The following PRDM5 variants were observed in gnomAD, a reference collection of about 807,000 sequenced individuals.
PRDM5 encodes the protein PR domain zinc finger protein 5.
In PRDM5, 56 loss-of-function variants were observed where a neutral mutation model predicts 81.2. The observed-to-expected ratio is 0.69, with a 90% CI of 0.56 to 0.86. The LOEUF (loss-of-function observed/expected upper bound fraction) is 0.86, where lower values mean the gene tolerates loss of function less well. Among genes scored for constraint, PRDM5 ranks in the 40% least tolerant of loss-of-function variants. PRDM5 has a pLI of 0.00. For synonymous variants in PRDM5, 267 were observed against 256.4 expected (o/e 1.04, Z -0.39); for missense variants, 697 against 770.1 (o/e 0.91, Z 1.12).
intron 12 of PRDM5, 54 bp downstream of exon 12, chr4:120,781,089 C>T (rs1288882846): frequency 1.4e-6 from 2 of 1,459,390 alleles, no homozygotes; most frequent in East Asian, 4.5e-5. Flanking sequence ...AACATATATA[C>T]CCATACTGCT....
intron 1 of PRDM5, among the ~76,000 whole-genome samples, chr4:120,921,180 T>C (rs1724863360): frequency 1.3e-5 from 2 of 152,208 alleles, no homozygotes; most frequent in African/African-American, 2.4e-5. Context: ...TGTTTGAGAA[T>C]TTTTCACATC....
intron 3 of PRDM5, among the ~76,000 whole-genome samples, chr4:120,850,262 G>C (rs1248656455): frequency 6.6e-6 from 1 of 152,016 alleles, no homozygotes; most frequent in East Asian, 1.9e-4. Context: ...CCAAACTTCA[G>C]ATGCAATTTG....
intron 14 of PRDM5, among the ~76,000 whole-genome samples, chr4:120,749,340 G>A (rs1420625428): frequency 6.6e-6 from 1 of 152,158 alleles, no homozygotes; most frequent in African/African-American, 2.4e-5. Flanking sequence ...TTAGAAACCT[G>A]GGGGCCCTGG....
chr4:120,889,915 T>C (rs945966539), intron 2 of PRDM5, among the ~76,000 whole-genome samples: 4 of 152,204 alleles, frequency 2.6e-5, no homozygotes, highest in Non-Finnish European at 4.4e-5. Flanking sequence ...TAGTATTCCA[T>C]AGTGTACATT....
chr4:120,726,387 C>T (rs940939301), intron 14 of PRDM5, among the ~76,000 whole-genome samples: 7 of 152,126 alleles, frequency 4.6e-5, no homozygotes, highest in African/African-American at 1.7e-4. Context: ...CCTTTGCATG[C>T]TTAGATGATT....
chr4:120,839,253 C>T (rs914648197), intron 3 of PRDM5: 36 of 702,986 alleles, frequency 5.1e-5, no homozygotes, highest in Admixed American at 2.2e-4. Flanking sequence ...CCTCGCCATT[C>T]GGCGGGTCCC....
chr4:120,812,131 G>C (rs950586568), intron 7 of PRDM5, among the ~76,000 whole-genome samples: 8 of 152,008 alleles, frequency 5.3e-5, no homozygotes, highest in Non-Finnish European at 1.0e-4. Context: ...TGTGAAATTT[G>C]TGCAGCTGTG....
chr4:120,920,105 G>A (rs538019225), intron 1 of PRDM5, among the ~76,000 whole-genome samples: 6 of 152,282 alleles, frequency 3.9e-5, no homozygotes, highest in African/African-American at 1.4e-4. Context: ...TAGGACTAGA[G>A]GATTAAGAGG....
intron 15 of PRDM5, among the ~76,000 whole-genome samples, chr4:120,705,770 C>T (rs1280618545): frequency 1.3e-5 from 2 of 152,152 alleles, no homozygotes; most frequent in Non-Finnish European, 2.9e-5. Context: ...GATTACTCTG[C>T]ATGAGACTGT....
chr4:120,753,478 T>C (rs1311699302), intron 14 of PRDM5, among the ~76,000 whole-genome samples: 4 of 152,134 alleles, frequency 2.6e-5, no homozygotes, highest in Non-Finnish European at 5.9e-5. Context: ...GCTCCCTCTC[T>C]TCACCACAAA....
intron 14 of PRDM5, among the ~76,000 whole-genome samples, chr4:120,741,431 G>A (rs898159960): frequency 6.6e-6 from 1 of 151,890 alleles, no homozygotes; most frequent in African/African-American, 2.4e-5. Flanking sequence ...GAGCCAAGAT[G>A]GCCGAATAGG....
intron 14 of PRDM5, among the ~76,000 whole-genome samples, chr4:120,743,331 A>G (rs1249476002): frequency 6.6e-6 from 1 of 151,960 alleles, no homozygotes; most frequent in Non-Finnish European, 1.5e-5. Context: ...AATCATGCCA[A>G]AATGTAAAGA....
intron 2 of PRDM5, among the ~76,000 whole-genome samples, chr4:120,903,956 G>A (rs544555673): frequency 5.9e-5 from 9 of 152,004 alleles, no homozygotes; most frequent in South Asian, 2.1e-4. Flanking sequence ...TTGGGAGGCC[G>A]AGGCCAGCAG....
intron 14 of PRDM5, among the ~76,000 whole-genome samples, chr4:120,747,323 T>G: frequency 1.4e-5 from 2 of 146,028 alleles, no homozygotes; most frequent in East Asian, 2.1e-4. Flanking sequence ...TTGGGAGATA[T>G]ACCTAATGCT....
intron 2 of PRDM5, among the ~76,000 whole-genome samples, chr4:120,903,434 C>A (rs1239870460): frequency 6.6e-6 from 1 of 152,204 alleles, no homozygotes; most frequent in Non-Finnish European, 1.5e-5. Flanking sequence ...TGGTATAACT[C>A]AGGGTTTGGA....
intron 2 of PRDM5, among the ~76,000 whole-genome samples, chr4:120,874,057 G>T (rs1444668567): frequency 1.3e-5 from 2 of 152,022 alleles, no homozygotes; most frequent in Non-Finnish European, 2.9e-5. Context: ...TTAAATCAGG[G>T]TAATTAACAT....
intron 15 of PRDM5, among the ~76,000 whole-genome samples, chr4:120,699,386 A>T (rs926891815): frequency 1.3e-5 from 2 of 151,712 alleles, no homozygotes; most frequent in African/African-American, 4.8e-5. Flanking sequence ...TCTTTTAGCA[A>T]CTTGTTCATT....
intron 14 of PRDM5, among the ~76,000 whole-genome samples, chr4:120,714,879 T>C (rs1259612279): frequency 6.6e-6 from 1 of 152,182 alleles, no homozygotes. Context: ...GTGAGGCAGA[T>C]ATTGTAAGTC....
intron 15 of PRDM5, among the ~76,000 whole-genome samples, chr4:120,703,951 G>T (rs1211749207): frequency 6.6e-6 from 1 of 152,152 alleles, no homozygotes; most frequent in African/African-American, 2.4e-5. Flanking sequence ...CTGTGAAAAT[G>T]TAAGAAAGGT....
Sources: gnomAD v4.1 joint callset for allele counts (sites outside exome capture counted in the v4.1 genomes callset) on GRCh38, gnomAD v4.1.1 for gene constraint, MANE v1.5 for transcripts, NCBI Gene and HGNC (gene_info 2026-07-23, HGNC 2026-07-21) for gene names.